ASZ1: variants seen among roughly 807,000 people sequenced by gnomAD.
ASZ1 encodes the protein ankyrin repeat, SAM and basic leucine zipper domain-containing protein 1.
ASZ1 carries 67 observed loss-of-function variants against 61.8 expected under a neutral mutation model. The ratio of observed to expected loss-of-function variants is 1.08; its 90% CI spans 0.89 to 1.33. ASZ1 has a LOEUF of 1.33. ASZ1 is among the 40% of genes most tolerant of loss of function. ASZ1 has a pLI of 0.00. For synonymous variants in ASZ1, 193 were observed against 192.7 expected, an observed-to-expected ratio of 1.00 and a Z score of -0.01; for missense variants, 577 against 554.5, an observed-to-expected ratio of 1.04 and a Z score of -0.41.
rs1211136425 is a variant in ASZ1 at position 117,414,459 on chromosome 7, G to T, written c.440+5704C>A. 2.0e-5 allele frequency among the ~76,000 whole-genome samples: 3 copies of T among 152,180 alleles called. No homozygotes were observed. In the East Asian group the frequency reaches 5.8e-4, roughly 29 times the overall value. The stretch of plus-strand genomic sequence containing the variant: ...CTATTTAGTTAATAAGTTTGGAAAT[G>T]TTCACCATCAAATGATAAAAATTTA... On this transcript the variant is annotated intron_variant, in intron 4 of 12. Coordinates refer to ENST00000284629, the MANE Select transcript of ASZ1 (RefSeq NM_130768.3).
intron 10 of ASZ1, 86 bp from the exon 11 acceptor site, chr7:117,368,803 G>C (rs1795993688): frequency 9.5e-6 from 15 of 1,575,722 alleles, no homozygotes; most frequent in Non-Finnish European, 1.2e-5. Flanking sequence ...TGAAAATCTA[G>C]TCATAAAATT....
intron 10 of ASZ1, among the ~76,000 whole-genome samples, chr7:117,376,232 T>C (rs1279242067): frequency 1.3e-5 from 2 of 152,058 alleles, no homozygotes; most frequent in African/African-American, 4.8e-5. Flanking sequence ...AACCACACAT[T>C]ACCAAAACTC....
chr7:117,427,405 T>C lies in ASZ1; in HGVS notation c.56A>G (p.Glu19Gly). 6 of 1,614,146 alleles carry C rather than the reference T, an allele frequency of 3.7e-6. No homozygotes were observed. The highest frequency in any genetic ancestry group is 5.1e-6 in the Non-Finnish European group (6 of 1,180,010). ...AATCTCCCAGCCATCATCCTCGCTC[T>C]CGCTACTCTCGCCTCCGCCAGCCAC... ...LPVAGGGESS[E>G]SEDDGWEIGY... Residue 19 changes from glutamate to glycine, a missense_variant, in exon 1 of 13, where the codon GAG becomes GGG. Physicochemically the swap from Glu to Gly is moderately conservative, Grantham distance 98. Transcript: ENST00000284629.
At chr7:117,404,282 C>T (rs867331644) in intron 4 of ASZ1, among the ~76,000 whole-genome samples, 14 of 150,752 alleles carry the variant, frequency 9.3e-5, no homozygotes, top group Middle Eastern at 3.5e-3. Context: ...AGTGCTGCTC[C>T]GGCTTGAGTT....
intron 4 of ASZ1, among the ~76,000 whole-genome samples, chr7:117,401,813 C>T (rs767022575): frequency 1.1e-4 from 17 of 152,148 alleles, no homozygotes; most frequent in East Asian, 1.9e-4. Flanking sequence ...AGTGAATCTT[C>T]GGGTTGGCCA....
At chr7:117,381,678 T>C (rs1168153666) in intron 8 of ASZ1, among the ~76,000 whole-genome samples, 1 of 152,076 alleles carries the variant, frequency 6.6e-6, no homozygotes, top group Non-Finnish European at 1.5e-5. Flanking sequence ...ATTATCCTTA[T>C]GAAGAAAATG....
intron 10 of ASZ1, among the ~76,000 whole-genome samples, chr7:117,372,890 G>A (rs776857894): frequency 1.1e-4 from 17 of 151,976 alleles, no homozygotes; most frequent in Non-Finnish European, 2.2e-4. Context: ...ATGACATTAA[G>A]TTTCAAAATA....
chr7:117,370,054 C>T (rs191950361), intron 10 of ASZ1, among the ~76,000 whole-genome samples: 29 of 152,092 alleles, frequency 1.9e-4, no homozygotes, highest in African/African-American at 5.5e-4. Flanking sequence ...AGGAGACATG[C>T]GGGTGGCAAC....
intron 2 of ASZ1, among the ~76,000 whole-genome samples, chr7:117,424,306 T>C (rs1797155882): frequency 6.6e-6 from 1 of 152,164 alleles, no homozygotes; most frequent in Non-Finnish European, 1.5e-5. Flanking sequence ...AGAAGCATGT[T>C]TCAAGAACAA....
intron 5 of ASZ1, 147 bp from the exon 6 acceptor site, chr7:117,385,007 A>G: frequency 1.3e-6 from 1 of 762,690 alleles, no homozygotes; most frequent in Non-Finnish European, 1.9e-6. Context: ...TTTACAATAT[A>G]ATGTAAACAT....
At chr7:117,368,376 G>C (rs1304289739) in intron 11 of ASZ1, 27 of 1,190,282 alleles carry the variant, frequency 2.3e-5, no homozygotes, top group Non-Finnish European at 2.7e-5. Flanking sequence ...ACACGGATCA[G>C]TTTAATTTTT....
intron 2 of ASZ1, among the ~76,000 whole-genome samples, chr7:117,424,596 G>A (rs907719488): frequency 2.6e-5 from 4 of 152,160 alleles, no homozygotes; most frequent in Admixed American, 2.6e-4. Context: ...AGACTGAAAA[G>A]CTCACATCTG....
At position 117,427,488 on chromosome 7, in the gene ASZ1, C is replaced by G. The variant is rs575206364; in HGVS notation, c.-28G>C. The G allele has an allele frequency of 8.1e-6, 13 of 1,610,884 alleles. No individual in the cohort carries two copies. The highest frequency in any genetic ancestry group is 1.7e-4 in the Middle Eastern group (1 of 6,048). On this transcript the variant is annotated 5_prime_UTR_variant, in exon 1 of 13. Coordinates refer to ENST00000284629, the MANE Select transcript of ASZ1 (RefSeq NM_130768.3). ...CAGCCAAGGAAGCTCCCTGTCGGCA[C>G]CGCGCGCCCTTCAGCTCTCCGGGCG...
At chr7:117,410,666 A>T (rs1317165027) in intron 4 of ASZ1, among the ~76,000 whole-genome samples, 1 of 151,552 alleles carries the variant, frequency 6.6e-6, no homozygotes, top group African/African-American at 2.4e-5. Flanking sequence ...TTATAAACTC[A>T]TACACTAGTT....
intron 10 of ASZ1, among the ~76,000 whole-genome samples, chr7:117,373,849 C>A (rs1163174815): frequency 6.6e-6 from 1 of 151,956 alleles, no homozygotes; most frequent in Non-Finnish European, 1.5e-5. Flanking sequence ...TATATAAAAA[C>A]ATTTAATTTG....
At chr7:117,398,117 A>T (rs1796610245) in intron 4 of ASZ1, among the ~76,000 whole-genome samples, 1 of 152,190 alleles carries the variant, frequency 6.6e-6, no homozygotes, top group Admixed American at 6.5e-5. Flanking sequence ...ACAGTTCAGT[A>T]TTATCTGATC....
At chr7:117,423,438 T>C (rs963803830) in intron 2 of ASZ1, among the ~76,000 whole-genome samples, 1 of 152,168 alleles carries the variant, frequency 6.6e-6, no homozygotes, top group East Asian at 1.9e-4. Context: ...CTCTTTGAAC[T>C]GCTTTGATTG....
chr7:117,397,133 T>C (rs964599520), intron 4 of ASZ1, among the ~76,000 whole-genome samples: 8 of 152,078 alleles, frequency 5.3e-5, no homozygotes, highest in African/African-American at 1.9e-4. Flanking sequence ...TCCAACTTCT[T>C]GGGATGCTGA....
In ASZ1 at chr7:117,387,947, T is replaced by A. The variant is rs530034365; in HGVS notation, c.441-2138A>T. ...AGCAAAACAGAGAGAAGAAACAAGT[T>A]ACCAGTATCAAGAACAAGAGAAGTA... On this transcript the variant is annotated intron_variant, in intron 4 of 12. Transcript: ENST00000284629. Among the ~76,000 whole-genome samples the A allele has an allele frequency of 1.0e-3, 158 of 152,242 alleles. 1 individual carries two copies. The highest frequency in any genetic ancestry group is 2.5e-3 in the South Asian group (12 of 4,824).
Sources: gnomAD v4.1 joint callset for allele counts (sites outside exome capture counted in the v4.1 genomes callset) on GRCh38, gnomAD v4.1.1 for gene constraint, MANE v1.5 for transcripts, NCBI Gene and HGNC (gene_info 2026-07-23, HGNC 2026-07-21) for gene names.